Variants in FBXO16 observed in about 807,000 individuals in gnomAD.
FBXO16 encodes the protein F-box protein 16.
A neutral mutation model predicts 41.0 loss-of-function variants in FBXO16; 31 were observed. That is an observed-to-expected ratio of 0.76 (90% CI 0.57 to 1.02). The LOEUF (loss-of-function observed/expected upper bound fraction) is 1.02, where lower values mean the gene tolerates loss of function less well. Ranked by LOEUF, FBXO16 falls within the 50% of genes least tolerant of loss-of-function variation. The pLI is 0.00. For synonymous variants in FBXO16, 133 were observed against 117.8 expected (o/e 1.13, Z -0.84); for missense variants, 361 against 346.2 (o/e 1.04, Z -0.34).
intron 1 of FBXO16, among the ~76,000 whole-genome samples, chr8:28,487,971 G>T (rs534894700): frequency 3.3e-5 from 5 of 151,824 alleles, no homozygotes; most frequent in African/African-American, 1.2e-4. Flanking sequence ...TCCTGCCTCA[G>T]CCTCCCAAGT....
intron 7 of FBXO16, among the ~76,000 whole-genome samples, chr8:28,435,010 C>T (rs1022420357): frequency 9.8e-5 from 15 of 152,320 alleles, no homozygotes; most frequent in African/African-American, 3.4e-4. Flanking sequence ...GCAGCTCAGT[C>T]GGCCCCTGGC....
At chr8:28,432,236 G>A (rs1389896710) in intron 7 of FBXO16, among the ~76,000 whole-genome samples, 2 of 151,978 alleles carry the variant, frequency 1.3e-5, no homozygotes, top group Non-Finnish European at 2.9e-5. Flanking sequence ...CACTTTGGGA[G>A]GCCGATGTGG....
chr8:28,484,371 T>C (rs148340650), intron 1 of FBXO16, among the ~76,000 whole-genome samples: 1,948 of 152,300 alleles, frequency 0.013, 35 homozygotes, highest in Middle Eastern at 0.068. Context: ...TTTGAGTTTA[T>C]TGGGGGAAAC....
intron 7 of FBXO16, among the ~76,000 whole-genome samples, chr8:28,441,392 A>G (rs1802771356): frequency 6.6e-6 from 1 of 152,150 alleles, no homozygotes; most frequent in South Asian, 2.1e-4. Context: ...CTCTCCCTCA[A>G]GAAGACAGCT....
chr8:28,471,449 CTT>C (rs1417568553), intron 3 of FBXO16, among the ~76,000 whole-genome samples: 20 of 144,626 alleles, frequency 1.4e-4, no homozygotes, highest in Middle Eastern at 3.5e-3. Flanking sequence ...CTTCCTCTCT[CTT>C]TCTTTCTTTC....
chr8:28,485,452 C>A (rs543860504), intron 1 of FBXO16, among the ~76,000 whole-genome samples: 4 of 152,300 alleles, frequency 2.6e-5, no homozygotes, highest in Non-Finnish European at 5.9e-5. Flanking sequence ...GGATTACAGG[C>A]ACAAGCCACT....
chr8:28,441,293 C>T (rs1022196948), intron 7 of FBXO16, among the ~76,000 whole-genome samples: 16 of 152,164 alleles, frequency 1.1e-4, no homozygotes, highest in Non-Finnish European at 2.2e-4. Context: ...AATCTCTAGA[C>T]CAGCAGGTTT....
intron 3 of FBXO16, among the ~76,000 whole-genome samples, chr8:28,467,057 T>C (rs990559379): frequency 6.6e-6 from 1 of 152,144 alleles, no homozygotes; most frequent in Non-Finnish European, 1.5e-5. Context: ...TCCTCCCACC[T>C]CAGCCTCCTG....
Position 28,428,682 on chromosome 8 carries a change from G to T in FBXO16, c.*45C>A. 1 of 1,573,838 alleles carries T rather than the reference G, an allele frequency of 6.4e-7. No homozygotes were observed. The highest frequency in any genetic ancestry group is 8.6e-7 in the Non-Finnish European group (1 of 1,160,640). On this transcript the variant is annotated 3_prime_UTR_variant, in exon 9 of 9. Transcript: ENST00000380254. ...TCTGGGAGTCCCACTGACTCAGGGGGAGGCCAGGCGAGATGAGCTGGAACT... is the reference window on the plus strand; with the variant it reads ...TCTGGGAGTCCCACTGACTCAGGGGTAGGCCAGGCGAGATGAGCTGGAACT...
chr8:28,485,652 T>C (rs980464987), intron 1 of FBXO16, among the ~76,000 whole-genome samples: 5 of 152,202 alleles, frequency 3.3e-5, no homozygotes, highest in African/African-American at 2.4e-5. Context: ...GTTGCCAATA[T>C]GCCACTGGAA....
intron 7 of FBXO16, among the ~76,000 whole-genome samples, chr8:28,437,644 G>C (rs376976882): frequency 6.6e-6 from 1 of 152,160 alleles, no homozygotes; most frequent in East Asian, 1.9e-4. Context: ...AGGCCAAGGC[G>C]GGAGGACTGC....
At chr8:28,456,550 C>T (rs1803041460) in intron 5 of FBXO16, 1 of 509,646 alleles carries the variant, frequency 2.0e-6, no homozygotes, top group African/African-American at 1.9e-5. Flanking sequence ...CGCCGGGATG[C>T]AACTGTGGTT....
chr8:28,451,732 CA>C, intron 6 of FBXO16, among the ~76,000 whole-genome samples: 1 of 151,978 alleles, frequency 6.6e-6, no homozygotes, highest in Admixed American at 6.6e-5. Flanking sequence ...CCTGTAATCC[CA>C]GCACTTTAGG....
At chr8:28,458,123 A>C (rs1803065819) in intron 4 of FBXO16, among the ~76,000 whole-genome samples, 1 of 152,204 alleles carries the variant, frequency 6.6e-6, no homozygotes, top group African/African-American at 2.4e-5. Flanking sequence ...AATAATTAAT[A>C]ATTTTTGAGT....
chr8:28,479,488 C>T (rs1338465701), intron 2 of FBXO16, among the ~76,000 whole-genome samples: 2 of 152,072 alleles, frequency 1.3e-5, no homozygotes, highest in African/African-American at 2.4e-5. Flanking sequence ...CGTAATTTTT[C>T]GAAGAAAATT....
chr8:28,469,011 A>C (rs1000128817), intron 3 of FBXO16, among the ~76,000 whole-genome samples: 3 of 152,198 alleles, frequency 2.0e-5, no homozygotes, highest in African/African-American at 7.2e-5. Flanking sequence ...TAATTAAAAA[A>C]AAATTTTTTT....
At chr8:28,448,340 C>CAAAAAAAAAAAAAAAAAAA (rs56323338) in intron 6 of FBXO16, among the ~76,000 whole-genome samples, 1 of 49,898 alleles carries the variant, frequency 2.0e-5, no homozygotes, top group Non-Finnish European at 4.2e-5. Context: ...GACCCTAAAT[C>CAAAAAAAAAAAAAAAAAAA]AAAAAAAAAA....
chr8:28,470,803 C>T (rs1393033112), intron 3 of FBXO16, among the ~76,000 whole-genome samples: 4 of 152,058 alleles, frequency 2.6e-5, no homozygotes, highest in Admixed American at 6.5e-5. Context: ...TTCTTATTGA[C>T]TTGTAGGAAC....
At chr8:28,457,749 T>C (rs975688892) in intron 4 of FBXO16, among the ~76,000 whole-genome samples, 17 of 152,188 alleles carry the variant, frequency 1.1e-4, no homozygotes, top group African/African-American at 3.9e-4. Flanking sequence ...ATCACCTCCA[T>C]TCTTTCAATT....
Sources: allele counts gnomAD v4.1 joint callset (sites outside exome capture counted in the v4.1 genomes callset), GRCh38; gene constraint gnomAD v4.1.1; transcripts MANE v1.5; gene names NCBI Gene and HGNC (gene_info 2026-07-23, HGNC 2026-07-21).